Variants in CCDC92 observed in about 807,000 individuals in gnomAD.
CCDC92 encodes the protein coiled-coil domain-containing protein 92.
A neutral mutation model predicts 24.9 loss-of-function variants in CCDC92; 12 were observed. The observed-to-expected ratio is 0.48, with a 90% confidence interval of 0.31 to 0.78. The LOEUF is 0.78. Ranked by LOEUF, CCDC92 falls within the 30% of genes least tolerant of loss-of-function variation. The pLI, the probability that CCDC92 is intolerant of heterozygous loss-of-function variation, is 0.05. For missense variants in CCDC92, 399 were observed against 439.4 expected, an observed-to-expected ratio of 0.91 and a Z score of 0.82; for synonymous variants, 193 against 196.3, an observed-to-expected ratio of 0.98 and a Z score of 0.14.
rs1162750098 is a variant in CCDC92, at chr12:123,972,763, G to A, written c.-294C>T. The A allele has an allele frequency of 6.8e-6, 1 of 147,126 alleles. No homozygotes were observed. Among genetic ancestry groups the A allele is most frequent in the African/African-American group, 2.4e-5 (1 of 40,864 alleles). The allele number at this position is 147,126 out of a possible 1,614,324, so 9.1% of individuals were successfully genotyped here. A position where few individuals can be genotyped will look rare whatever the true frequency, so the allele number is the denominator to read the frequency against. Reference sequence around the variant, plus strand: ...TAGCCGCGGTGCACCCTGGGAGCGGGGCCGGCGGCGAGGCCTGGCCGCGCT... The same window carrying A: ...TAGCCGCGGTGCACCCTGGGAGCGGAGCCGGCGGCGAGGCCTGGCCGCGCT... On this transcript the variant is annotated 5_prime_UTR_variant, in exon 1 of 5. Coordinates refer to ENST00000238156, the MANE Select transcript of CCDC92 (RefSeq NM_025140.3).
chr12:123,948,464 A>G (rs1319080160), intron 1 of CCDC92, among the ~76,000 whole-genome samples: 1 of 152,222 alleles, frequency 6.6e-6, no homozygotes, highest in Admixed American at 6.5e-5. Flanking sequence ...AAAGCGTCCC[A>G]TTATAATGGG....
chr12:123,965,282 G>A (rs11057407), intron 1 of CCDC92, among the ~76,000 whole-genome samples: 42,598 of 152,078 alleles, frequency 0.28, 6,138 homozygotes, highest in Middle Eastern at 0.34. Context: ...GTATAACTGA[G>A]GAGACAAGAC....
chr12:123,967,589 C>T (rs1295028805), intron 1 of CCDC92, among the ~76,000 whole-genome samples: 1 of 152,186 alleles, frequency 6.6e-6, no homozygotes, highest in Non-Finnish European at 1.5e-5. Flanking sequence ...CTTACGTTCA[C>T]TTATCATTAG....
intron 4 of CCDC92, among the ~76,000 whole-genome samples, chr12:123,942,254 G>A (rs1955706622): frequency 6.6e-6 from 1 of 152,206 alleles, no homozygotes; most frequent in Non-Finnish European, 1.5e-5. Context: ...CTGTAGTCCA[G>A]AGAAAGCCCC....
Position 123,938,530 on chromosome 12 carries a change from TCTC to T in CCDC92, c.224-703_224-701del, listed in dbSNP as rs530897952. Among the ~76,000 whole-genome samples the T allele has an allele frequency of 1.2e-4, 18 of 152,112 alleles. No individual in the cohort carries two copies. The South Asian group carries it at 3.5e-3, about 30-fold the overall frequency. Reference sequence around the variant, plus strand: ...CTTCAGCAAACACCAGCCACCTCCTTCTCCTGCTCTTCTGGTGACCTGCAGTCC... The same window carrying T: ...CTTCAGCAAACACCAGCCACCTCCTTCTGCTCTTCTGGTGACCTGCAGTCC... On this transcript the variant is annotated intron_variant, in intron 4 of 4. Transcript: ENST00000238156.
chr12:123,961,025 T>A (rs1956260276), intron 1 of CCDC92: 1 of 152,240 alleles, frequency 6.6e-6, no homozygotes, highest in Non-Finnish European at 1.5e-5. Flanking sequence ...GTGTACTCAG[T>A]CCTATGCTTA....
rs759698028 is a variant in CCDC92 at position 123,937,035 on chromosome 12, C to T, written c.*23G>A. ...AGTGGTGCTCACAGTGCATGGACAG[C>T]GCGGGGTGGGGCACGGCGGGCTTCA... On this transcript the variant is annotated 3_prime_UTR_variant, in exon 5 of 5. Transcript: ENST00000238156. The surrounding 1 kb of genome is among the most constrained non-coding windows in gnomAD (Gnocchi z 8.4). 5.0e-6 allele frequency: 8 copies of T among 1,612,672 alleles called. No individual in the cohort carries two copies. Among genetic ancestry groups the T allele is most frequent in the East Asian group, 4.5e-5 (2 of 44,892 alleles).
At chr12:123,954,254 G>A (rs764113673) in intron 1 of CCDC92, among the ~76,000 whole-genome samples, 5 of 152,048 alleles carry the variant, frequency 3.3e-5, no homozygotes, top group South Asian at 2.1e-4. Flanking sequence ...TAACAATTTC[G>A]TGTCCCAAAG....
At chr12:123,943,636 G>C in intron 2 of CCDC92, 143 bp from the exon 3 acceptor site, 1 of 844,270 alleles carries the variant, frequency 1.2e-6, no homozygotes, top group East Asian at 2.5e-5. Flanking sequence ...AGGGTGTGGG[G>C]GCACCAGGGC....
At chr12:123,947,025 G>A (rs531390970) in intron 1 of CCDC92, among the ~76,000 whole-genome samples, 25 of 152,284 alleles carry the variant, frequency 1.6e-4, no homozygotes, top group Non-Finnish European at 3.2e-4. Context: ...TGGGCTTGGC[G>A]GGCCCCGCAC....
intron 1 of CCDC92, among the ~76,000 whole-genome samples, chr12:123,959,079 G>A (rs562674638): frequency 5.2e-4 from 79 of 152,294 alleles, no homozygotes; most frequent in Middle Eastern, 3.4e-3. Flanking sequence ...AGACCTCCAC[G>A]GTTTGCATTC....
chr12:123,944,640 G>A (rs1955790559), intron 1 of CCDC92: 1 of 247,112 alleles, frequency 4.0e-6, no homozygotes, highest in African/African-American at 2.2e-5. Flanking sequence ...CTGGAGCTAG[G>A]ACGAGTTCAT....
chr12:123,963,207 G>A (rs1203430470), intron 1 of CCDC92, among the ~76,000 whole-genome samples: 2 of 152,236 alleles, frequency 1.3e-5, no homozygotes, highest in Non-Finnish European at 2.9e-5. Flanking sequence ...AACCCCCAGG[G>A]TTAGGGTCAA....
intron 1 of CCDC92, among the ~76,000 whole-genome samples, chr12:123,965,913 A>C (rs1158901762): frequency 6.6e-6 from 1 of 152,202 alleles, no homozygotes; most frequent in African/African-American, 2.4e-5. Flanking sequence ...CAACGAGAGC[A>C]GCTTATCTAC....
At chr12:123,961,565 C>T (rs1193316021) in intron 1 of CCDC92, among the ~76,000 whole-genome samples, 6 of 152,086 alleles carry the variant, frequency 3.9e-5, no homozygotes, top group African/African-American at 1.2e-4. Flanking sequence ...TCAGAAAAGT[C>T]GAGATGGAAA....
At chr12:123,941,494 C>A (rs1955683074) in intron 4 of CCDC92, among the ~76,000 whole-genome samples, 1 of 152,210 alleles carries the variant, frequency 6.6e-6, no homozygotes, top group Admixed American at 6.5e-5. Flanking sequence ...TGGTCTGTGT[C>A]TTTTACAAGG....
chr12:123,947,680 T>C (rs1244130655), intron 1 of CCDC92, among the ~76,000 whole-genome samples: 3 of 152,104 alleles, frequency 2.0e-5, no homozygotes, highest in Non-Finnish European at 4.4e-5. Context: ...GCTCAGGGAT[T>C]GTAAACACAC....
intron 1 of CCDC92, 49 bp from the exon 2 acceptor site, chr12:123,944,413 C>T (rs1955784347): frequency 3.1e-5 from 31 of 1,008,566 alleles, no homozygotes; most frequent in Middle Eastern, 4.3e-4. Flanking sequence ...ATTGTAAATA[C>T]AGAACCTCAG....
intron 1 of CCDC92, chr12:123,966,431 A>G (rs999323230): frequency 1.3e-5 from 2 of 152,214 alleles, no homozygotes; most frequent in Admixed American, 1.3e-4. Flanking sequence ...TGTGAGAGGA[A>G]GCTGTGTTCT....
Sources: allele counts gnomAD v4.1 joint callset (sites outside exome capture counted in the v4.1 genomes callset), GRCh38; gene constraint gnomAD v4.1.1; non-coding constraint Gnocchi (gnomAD v3.1); transcripts MANE v1.5; gene names NCBI Gene and HGNC (gene_info 2026-07-23, HGNC 2026-07-21).